The following TNFSF14 variants were observed in gnomAD, a reference collection of about 807,000 sequenced individuals.
TNFSF14 encodes TNF superfamily member 14.
In TNFSF14, 15 loss-of-function variants were observed where a neutral mutation model predicts 22.7. That is an observed-to-expected ratio of 0.66 (90% confidence interval 0.44 to 1.02). TNFSF14 has a LOEUF of 1.02. Ranked by LOEUF, TNFSF14 falls within the 50% of genes least tolerant of loss-of-function variation. The pLI, the probability that TNFSF14 is intolerant of heterozygous loss-of-function variation, is 0.00. For missense variants in TNFSF14, 287 were observed against 326.2 expected, an observed-to-expected ratio of 0.88 and a Z score of 0.93; for synonymous variants, 133 against 139.6, an observed-to-expected ratio of 0.95 and a Z score of 0.33.
In TNFSF14 at chr19:6,664,613, A is replaced by T; in HGVS notation, c.*313T>A. 5.1e-6 allele frequency: 1 copy of T among 196,498 alleles called. No individual in the cohort carries two copies. The highest frequency in any genetic ancestry group is 1.0e-5 in the Non-Finnish European group (1 of 97,044). 12.2% of individuals were successfully genotyped at this position (196,498 alleles called of 1,614,324 possible). On this transcript the variant is annotated 3_prime_UTR_variant, in exon 4 of 4. Coordinates refer to ENST00000675206, the MANE Select transcript of TNFSF14 (RefSeq NM_001376887.1). This position sits in a 1 kb window ranked among gnomAD's most constrained non-coding sequence, Gnocchi z 4.7. ...GAGTGCAGTGGTGTGATCTCGGCTC[A>T]CTGCAACCTCCGCCTCCCGGGTTTA...
At chr19:6,669,773 CAGACACACAGTG>C in intron 1 of TNFSF14, 66 bp downstream of exon 1, 1 of 1,508,560 alleles carries the variant, frequency 6.6e-7, no homozygotes, top group Non-Finnish European at 9.0e-7. Context: ...CACACACACA[CAGACACACAGTG>C]ACCCACAATG....
chr19:6,667,536 A>C, intron 1 of TNFSF14, 87 bp from the exon 2 acceptor site: 2 of 1,411,676 alleles, frequency 1.4e-6, no homozygotes, highest in Non-Finnish European at 1.9e-6. Flanking sequence ...AGACATGAGG[A>C]CCATAGCCAC....
chr19:6,666,657 A>G (rs1370038469), intron 3 of TNFSF14, among the ~76,000 whole-genome samples: 1 of 152,198 alleles, frequency 6.6e-6, no homozygotes, highest in Non-Finnish European at 1.5e-5. Flanking sequence ...GCACTTTGGG[A>G]GGCCAAGGCG....
chr19:6,665,788 T>C (rs980023420), intron 3 of TNFSF14, among the ~76,000 whole-genome samples: 2 of 104,760 alleles, frequency 1.9e-5, no homozygotes, highest in Admixed American at 8.4e-5. Context: ...TGTGTGCGTG[T>C]GTGTGTGTGT....
At chr19:6,669,123 A>C (rs1471601235) in intron 1 of TNFSF14, among the ~76,000 whole-genome samples, 1 of 152,260 alleles carries the variant, frequency 6.6e-6, no homozygotes, top group East Asian at 1.9e-4. Context: ...AGCTGGAAGC[A>C]GACCGAGAAA....
rs747694856 is a variant in TNFSF14 at position 6,664,980 on chromosome 19, G to A, written c.669C>T (p.Arg223=). 13 of 1,612,222 alleles carry A rather than the reference G, an allele frequency of 8.1e-6. No homozygotes were observed. Among genetic ancestry groups the A allele is most frequent in the Admixed American group, 3.3e-5 (2 of 59,930 alleles). The change falls in exon 4 of 4, where the codon CGC becomes CGT. Residue 223 remains arginine, a synonymous_variant. Transcript: ENST00000675206. The surrounding 1 kb of genome is among the most constrained non-coding windows in gnomAD (Gnocchi z 4.7). ...EKVVVRVLDE[R]LVRLRDGTRS... is the part of the protein sequence containing the mutation. ...GGGTACCATCACGCAGTCGAACCAG[G>A]CGTTCATCCAGCACACGGACGACCA...
chr19:6,667,108 C>G lies in TNFSF14; in HGVS notation c.298+5G>C, dbSNP rs778161807. On this transcript the variant is annotated splice_donor_5th_base_variant and intron_variant, in intron 3 of 3. Coordinates refer to ENST00000675206, the MANE Select transcript of TNFSF14 (RefSeq NM_001376887.1). ...CCCCTTGCCAGGATCCAGGGTCCCTCTCACCTGTGAGATGCGCTGCTGGGT... is the reference window on the plus strand; with the variant it reads ...CCCCTTGCCAGGATCCAGGGTCCCTGTCACCTGTGAGATGCGCTGCTGGGT... The G allele has an allele frequency of 6.2e-7, 1 of 1,608,802 alleles. No individual in the cohort carries two copies. Among genetic ancestry groups the G allele is most frequent in the South Asian group, 1.1e-5 (1 of 90,342 alleles).
intron 3 of TNFSF14, 21 bp downstream of exon 3, chr19:6,667,092 A>T: frequency 6.2e-7 from 1 of 1,608,966 alleles, no homozygotes; most frequent in Non-Finnish European, 8.5e-7. Context: ...GCCCCTTGCC[A>T]GGATCCAGGG....
At chr19:6,665,808 T>C (rs1278956524) in intron 3 of TNFSF14, among the ~76,000 whole-genome samples, 3 of 151,632 alleles carry the variant, frequency 2.0e-5, no homozygotes, top group Non-Finnish European at 2.9e-5. Flanking sequence ...TGTGTGTGTG[T>C]GTGTGTGTGT....
chr19:6,664,838 C>T lies in TNFSF14; in HGVS notation c.*88G>A. 20 of 1,487,654 alleles carry T rather than the reference C, an allele frequency of 1.3e-5. No individual in the cohort carries two copies. The highest frequency in any genetic ancestry group is 1.8e-5 in the Non-Finnish European group (20 of 1,111,884). The allele number at this position is 1,487,654 out of a possible 1,614,324, so 92.2% of individuals were successfully genotyped here. A position where few individuals can be genotyped will look rare whatever the true frequency, so the allele number is the denominator to read the frequency against. Reference sequence around the variant, plus strand: ...TACAGGCGAGAGCCACCACGCCCAGCCTCTGCTTCGTGAGTTTTCTTTCCC... The same window carrying T: ...TACAGGCGAGAGCCACCACGCCCAGTCTCTGCTTCGTGAGTTTTCTTTCCC... On this transcript the variant is annotated 3_prime_UTR_variant, in exon 4 of 4. Coordinates refer to ENST00000675206, the MANE Select transcript of TNFSF14 (RefSeq NM_001376887.1). The surrounding 1 kb of genome is among the most constrained non-coding windows in gnomAD (Gnocchi z 4.7).
At chr19:6,665,413 T>C (rs1917387666) in intron 3 of TNFSF14, 63 bp from the exon 4 acceptor site, 3 of 1,437,740 alleles carry the variant, frequency 2.1e-6, no homozygotes, top group Middle Eastern at 2.5e-4. Context: ...TGTTGCTTGT[T>C]TGTTTGTTTG....
At position 6,669,944 on chromosome 19, in the gene TNFSF14, G is replaced by C. The variant is rs778638743; in HGVS notation, c.126C>G (p.Leu42=). ...GCCCGGCCCCCATCAGCAACAGCAA[G>C]AGACCCAGACCCACCCGGGCCACAC... The part of the protein sequence containing the change: ...SCSVARVGLG[L]LLLLMGAGLA... Residue 42 remains leucine, a synonymous_variant, in exon 1 of 4, where the codon CTC becomes CTG. Coordinates refer to ENST00000675206, the MANE Select transcript of TNFSF14 (RefSeq NM_001376887.1). 3.7e-6 allele frequency: 6 copies of C among 1,613,916 alleles called. No homozygotes were observed. In the African/African-American group the frequency reaches 8.0e-5, roughly 22 times the overall value.
intron 3 of TNFSF14, among the ~76,000 whole-genome samples, chr19:6,666,035 CTT>C (rs1268026583): frequency 6.6e-6 from 1 of 151,978 alleles, no homozygotes; most frequent in African/African-American, 2.4e-5. Context: ...TATCTCAACT[CTT>C]TGCATCCCTC....
rs145412013 is a variant in TNFSF14, at chr19:6,664,746, G to T, written c.*180C>A. 4,252 of 667,718 alleles carry T rather than the reference G, an allele frequency of 6.4e-3. 137 individuals are homozygous for T. The African/African-American group carries it at 0.067, about 11-fold the overall frequency. The allele number at this position is 667,718 out of a possible 1,614,324, so 41.4% of individuals were successfully genotyped here. ...GTAGAGATGGGGTTTTGCCATGTTA[G>T]CCAGGCTGGTCTCGAACTCCTGACC... On this transcript the variant is annotated 3_prime_UTR_variant, in exon 4 of 4. Transcript: ENST00000675206. The surrounding 1 kb of genome is among the most constrained non-coding windows in gnomAD (Gnocchi z 4.7).
rs761890572 is a variant in TNFSF14, at chr19:6,665,126, C to T, written c.523G>A (p.Glu175Lys). The stretch of plus-strand genomic sequence containing the variant: ...TGGCTGACCAACAGCTCCAGCTCCT[C>T]GGGGTAGCGGGGTGTGCGCTTGTAG... ...GLYKRTPRYP[E>K]ELELLVSQQS... The change falls in exon 4 of 4, where the codon GAG (glutamate) becomes AAG (lysine). Residue 175 changes from glutamate to lysine, a missense_variant. By Grantham distance (56) the Glu-to-Lys change is moderately conservative. Transcript: ENST00000675206. 14 of 1,613,906 alleles carry T rather than the reference C, an allele frequency of 8.7e-6. No individual in the cohort carries two copies. Among genetic ancestry groups the T allele is most frequent in the East Asian group, 2.2e-5 (1 of 44,874 alleles).
At position 6,663,521 on chromosome 19, in the gene TNFSF14, G is replaced by A. The variant is rs184489094; in HGVS notation, c.*1405C>T. 8.5e-5 allele frequency: 13 copies of A among 152,718 alleles called. No individual in the cohort carries two copies. The highest frequency in any genetic ancestry group is 5.2e-4 in the Admixed American group (8 of 15,286). The allele number at this position is 152,718 out of a possible 1,614,324, so 9.5% of individuals were successfully genotyped here. A position where few individuals can be genotyped will look rare whatever the true frequency, so the allele number is the denominator to read the frequency against. Reference sequence around the variant, plus strand: ...TGTGTGTGTGTATGTGTGTAACCAGGTCTGACTATAACTTGGTCTGTCTGT... The same window carrying A: ...TGTGTGTGTGTATGTGTGTAACCAGATCTGACTATAACTTGGTCTGTCTGT... On this transcript the variant is annotated 3_prime_UTR_variant, in exon 4 of 4. Coordinates refer to ENST00000675206, the MANE Select transcript of TNFSF14 (RefSeq NM_001376887.1).
chr19:6,666,015 G>T (rs979503643), intron 3 of TNFSF14, among the ~76,000 whole-genome samples: 13 of 152,114 alleles, frequency 8.5e-5, no homozygotes, highest in African/African-American at 3.1e-4. Context: ...AAATTAACTT[G>T]CTTAGTCTAT....
chr19:6,668,448 G>A (rs1343127858), intron 1 of TNFSF14, among the ~76,000 whole-genome samples: 2 of 152,156 alleles, frequency 1.3e-5, no homozygotes, highest in Non-Finnish European at 2.9e-5. Flanking sequence ...GCTCACACCT[G>A]TAATCCCAGC....
chr19:6,663,970 A>T lies in TNFSF14; in HGVS notation c.*956T>A, dbSNP rs949074868. On this transcript the variant is annotated 3_prime_UTR_variant, in exon 4 of 4. Coordinates refer to ENST00000675206, the MANE Select transcript of TNFSF14 (RefSeq NM_001376887.1). ...AATCAGCCATGGTGGTAGCATTTAC[A>T]CCATGGAAATTGGCAAACATTACAA... 6.6e-6 allele frequency: 1 copy of T among 152,186 alleles called. No homozygotes were observed. The highest frequency in any genetic ancestry group is 1.5e-5 in the Non-Finnish European group (1 of 68,030). The allele number at this position is 152,186 out of a possible 1,614,324, so 9.4% of individuals were successfully genotyped here. A position where few individuals can be genotyped will look rare whatever the true frequency, so the allele number is the denominator to read the frequency against.
Sources: allele counts gnomAD v4.1 joint callset (sites outside exome capture counted in the v4.1 genomes callset), GRCh38; gene constraint gnomAD v4.1.1; non-coding constraint Gnocchi (gnomAD v3.1); transcripts MANE v1.5; gene names NCBI Gene and HGNC (gene_info 2026-07-23, HGNC 2026-07-21).